CADM2: variants seen among roughly 807,000 people sequenced by gnomAD.
The protein encoded by CADM2 is immunoglobulin superfamily member 4D.
A neutral mutation model predicts 49.8 loss-of-function variants in CADM2; 12 were observed. The ratio of observed to expected loss-of-function variants is 0.24; its 90% CI spans 0.15 to 0.39. CADM2 has a LOEUF of 0.39. Ranked by LOEUF, CADM2 falls within the 10% of genes least tolerant of loss-of-function variation. The pLI, the probability that CADM2 is intolerant of heterozygous loss-of-function variation, is 1.00. For missense variants in CADM2, 378 were observed against 492.3 expected (o/e 0.77, Z 2.20); for synonymous variants, 214 against 175.4 (o/e 1.22, Z -1.74).
chr3:86,017,764 G>A (rs981728322), intron 8 of CADM2, among the ~76,000 whole-genome samples: 2 of 149,666 alleles, frequency 1.3e-5, no homozygotes, highest in African/African-American at 4.9e-5. Flanking sequence ...AGAAGAAAGG[G>A]ATTTCTTTTG....
At chr3:85,081,364 C>G (rs2037158651) in intron 1 of CADM2, among the ~76,000 whole-genome samples, 1 of 152,054 alleles carries the variant, frequency 6.6e-6, no homozygotes, top group African/African-American at 2.4e-5. Context: ...CTGCTCAGAG[C>G]GCATATGACT....
intron 1 of CADM2, among the ~76,000 whole-genome samples, chr3:85,166,291 T>A (rs2040468837): frequency 6.6e-6 from 1 of 151,868 alleles, no homozygotes; most frequent in Admixed American, 6.6e-5. Flanking sequence ...CAGTGTGGCA[T>A]GATATATATT....
chr3:85,924,184 T>C (rs1473524244), intron 6 of CADM2, among the ~76,000 whole-genome samples: 2 of 152,206 alleles, frequency 1.3e-5, no homozygotes, highest in African/African-American at 4.8e-5. Flanking sequence ...GTTTCTTTTT[T>C]TTTGGAGCAC....
At chr3:85,722,621 G>A (rs1367894422) in intron 1 of CADM2, among the ~76,000 whole-genome samples, 3 of 152,158 alleles carry the variant, frequency 2.0e-5, no homozygotes, top group Admixed American at 2.0e-4. Context: ...AAAGGCACCA[G>A]TAAATCCAGT....
intron 1 of CADM2, among the ~76,000 whole-genome samples, chr3:84,985,832 C>G (rs1019694583): frequency 6.6e-6 from 1 of 152,140 alleles, no homozygotes; most frequent in Non-Finnish European, 1.5e-5. Flanking sequence ...GAAGTACCTT[C>G]AATGCAATTA....
At chr3:85,004,595 C>T (rs1028164799) in intron 1 of CADM2, among the ~76,000 whole-genome samples, 1 of 152,042 alleles carries the variant, frequency 6.6e-6, no homozygotes, top group Non-Finnish European at 1.5e-5. Flanking sequence ...AAATGAAATA[C>T]ATTTTCTTGG....
intron 5 of CADM2, among the ~76,000 whole-genome samples, chr3:85,905,414 C>T (rs887937217): frequency 3.3e-5 from 5 of 151,936 alleles, no homozygotes; most frequent in East Asian, 1.9e-4. Context: ...CAACTGTCCC[C>T]GAATTATATA....
intron 1 of CADM2, among the ~76,000 whole-genome samples, chr3:85,207,716 CAG>C (rs2041682067): frequency 6.6e-6 from 1 of 152,144 alleles, no homozygotes; most frequent in African/African-American, 2.4e-5. Context: ...ACATGAATTA[CAG>C]AGAGTCTCTT....
intron 1 of CADM2, among the ~76,000 whole-genome samples, chr3:85,616,945 G>A (rs2063816031): frequency 6.6e-6 from 1 of 152,108 alleles, no homozygotes; most frequent in African/African-American, 2.4e-5. Context: ...TGGTAATTGA[G>A]TAACCAATTA....
intron 1 of CADM2, among the ~76,000 whole-genome samples, chr3:85,531,868 T>A (rs1299646176): frequency 6.6e-6 from 1 of 152,172 alleles, no homozygotes; most frequent in Non-Finnish European, 1.5e-5. Flanking sequence ...GGTACATGGT[T>A]ATGTTTTAAT....
chr3:85,231,649 A>G (rs2042291113), intron 1 of CADM2, among the ~76,000 whole-genome samples: 1 of 149,774 alleles, frequency 6.7e-6, no homozygotes, highest in Non-Finnish European at 1.5e-5. Flanking sequence ...TTACTTTTTG[A>G]GTCTGGGGCT....
chr3:85,939,863 AAT>A (rs998806345), intron 7 of CADM2, among the ~76,000 whole-genome samples: 17 of 149,860 alleles, frequency 1.1e-4, no homozygotes, highest in African/African-American at 3.9e-4. Flanking sequence ...GAAAGAATTT[AAT>A]CTTTAGGAAG....
chr3:85,425,293 C>G (rs1453169380), intron 1 of CADM2, among the ~76,000 whole-genome samples: 1 of 152,172 alleles, frequency 6.6e-6, no homozygotes, highest in Non-Finnish European at 1.5e-5. Flanking sequence ...AATGGTTAGT[C>G]AAAAGAGCTG....
At chr3:86,045,613 C>G (rs1389916590) in intron 8 of CADM2, among the ~76,000 whole-genome samples, 4 of 152,140 alleles carry the variant, frequency 2.6e-5, no homozygotes, top group African/African-American at 9.7e-5. Flanking sequence ...TTCCACCCAT[C>G]TATCAGAAAA....
At chr3:86,022,962 A>T (rs566926041) in intron 8 of CADM2, among the ~76,000 whole-genome samples, 92 of 152,274 alleles carry the variant, frequency 6.0e-4, no homozygotes, top group Non-Finnish European at 9.7e-4. Context: ...CTTTTCATAT[A>T]CCTGCCCACT....
At chr3:85,264,012 T>C (rs991836599) in intron 1 of CADM2, among the ~76,000 whole-genome samples, 1 of 152,100 alleles carries the variant, frequency 6.6e-6, no homozygotes, top group Non-Finnish European at 1.5e-5. Context: ...ACTTTATTCA[T>C]AGGGAAAATG....
chr3:86,028,037 AC>A (rs1734100857), intron 8 of CADM2: 1 of 113,742 alleles, frequency 8.8e-6, no homozygotes, highest in Non-Finnish European at 1.7e-5. Context: ...AACATCACAC[AC>A]CGGGGCCTGT....
intron 1 of CADM2, among the ~76,000 whole-genome samples, chr3:85,412,769 C>A (rs545831009): frequency 1.3e-5 from 2 of 152,120 alleles, no homozygotes; most frequent in East Asian, 3.9e-4. Flanking sequence ...TAACATAGTA[C>A]AGAAAACTAG....
intron 1 of CADM2, among the ~76,000 whole-genome samples, chr3:85,083,900 G>C (rs879773316): frequency 3.3e-5 from 5 of 152,068 alleles, no homozygotes; most frequent in Admixed American, 2.0e-4. Context: ...AGTTCCTATA[G>C]AAAGAAATAG....
Sources: gnomAD v4.1 joint callset for allele counts (sites outside exome capture counted in the v4.1 genomes callset) on GRCh38, gnomAD v4.1.1 for gene constraint, MANE v1.5 for transcripts, NCBI Gene and HGNC (gene_info 2026-07-23, HGNC 2026-07-21) for gene names.